Variants in KLK3 observed in about 807,000 individuals in gnomAD.
KLK3 encodes the protein prostate-specific antigen.
Under a neutral mutation model 27.7 loss-of-function variants are expected in KLK3, and 23 were observed. The ratio of observed to expected loss-of-function variants is 0.83; its 90% confidence interval spans 0.60 to 1.17. The LOEUF (loss-of-function observed/expected upper bound fraction) is 1.17, where lower values mean the gene tolerates loss of function less well. Ranked by LOEUF, KLK3 falls within the 50% of genes most tolerant of loss-of-function variation. The pLI is 0.00. For synonymous variants in KLK3, 142 were observed against 134.2 expected (o/e 1.06, Z -0.40); for missense variants, 322 against 338.1 (o/e 0.95, Z 0.37).
intron 1 of KLK3, 112 bp downstream of exon 1, chr19:50,855,113 C>G: frequency 9.3e-7 from 1 of 1,077,012 alleles, no homozygotes; most frequent in Non-Finnish European, 1.4e-6. Flanking sequence ...GAGCTGGGCT[C>G]TTTTCTGTCT....
chr19:50,860,534 C>T lies in KLK3; in HGVS notation c.*407C>T, dbSNP rs2090179020. ...CCAGACACTCACAGCAAGGATGGAG[C>T]TGAAAACATAACCCACTCTGTCCTG... is the stretch of plus-strand genomic sequence containing the variant. On this transcript the variant is annotated 3_prime_UTR_variant, in exon 5 of 5. Transcript: ENST00000326003. 1 of 156,742 alleles carries T rather than the reference C, an allele frequency of 6.4e-6. No individual in the cohort carries two copies. Among genetic ancestry groups the T allele is most frequent in the African/African-American group, 2.4e-5 (1 of 41,580 alleles). The allele number at this position is 156,742 out of a possible 1,614,324, so 9.7% of individuals were successfully genotyped here.
At chr19:50,859,708 A>G in intron 4 of KLK3, 1 of 1,574,254 alleles carries the variant, frequency 6.4e-7, no homozygotes. Context: ...CGACCTGTCT[A>G]CAAGGACTGT....
intron 1 of KLK3, 66 bp downstream of exon 1, chr19:50,855,067 C>CT (rs1193290329): frequency 6.4e-7 from 1 of 1,558,400 alleles, no homozygotes; most frequent in African/African-American, 1.4e-5. Flanking sequence ...AGCTGAGGCT[C>CT]TTTCCCCCCC....
rs7252245 is a variant in KLK3 at position 50,856,310 on chromosome 19, G to T, written c.117G>T (p.Gln39His). 2.5e-6 allele frequency: 4 copies of T among 1,613,420 alleles called. No individual in the cohort carries two copies. The African/African-American group carries it at 5.3e-5, about 22-fold the overall frequency. ...WECEKHSQPW[Q>H]VLVASRGRAV... ...GCGAGAAGCATTCCCAACCCTGGCA[G>T]GTGCTTGTGGCCTCTCGTGGCAGGG... Residue 39 changes from glutamine (Q) to histidine (H), a missense_variant, in exon 2 of 5, where the codon CAG becomes CAT. Transcript: ENST00000326003.
Position 50,857,529 on chromosome 19 carries a change from T to A in KLK3, c.207-500T>A, listed in dbSNP as rs1004230842. On this transcript the variant is annotated intron_variant, in intron 2 of 4. Coordinates refer to ENST00000326003, the MANE Select transcript of KLK3 (RefSeq NM_001648.2). ...CCCTCCCCAGCGGTCCCCACTCAGC[T>A]CCAAAGTCTCTCTCCCTTTTCTCTC... 3.2e-4 allele frequency: 50 copies of A among 155,526 alleles called. 1 individual carries two copies. Among genetic ancestry groups the A allele is most frequent in the African/African-American group, 9.7e-4 (40 of 41,418 alleles). The allele number at this position is 155,526 out of a possible 1,614,324, so 9.6% of individuals were successfully genotyped here.
intron 1 of KLK3, 21 bp downstream of exon 1, chr19:50,855,022 G>A (rs200242478): frequency 1.0e-4 from 166 of 1,613,268 alleles, no homozygotes; most frequent in Non-Finnish European, 1.3e-4. Context: ...CCATGGTTGG[G>A]GGGATGCAGG....
intron 1 of KLK3, 178 bp downstream of exon 1, chr19:50,855,179 C>T (rs2090139258): frequency 1.6e-6 from 1 of 622,042 alleles, no homozygotes; most frequent in Non-Finnish European, 2.8e-6. Flanking sequence ...CAACAGTCCT[C>T]ACTCCCACAC....
In KLK3 at chr19:50,860,098, A is replaced by C; in HGVS notation, c.757A>C (p.Ile253Leu). The C allele has an allele frequency of 6.2e-7, 1 of 1,613,932 alleles. No individual in the cohort carries two copies. The highest frequency in any genetic ancestry group is 8.5e-7 in the Non-Finnish European group (1 of 1,179,868). The change falls in exon 5 of 5, where the codon ATC (isoleucine) becomes CTC (leucine). Residue 253 changes from isoleucine to leucine, a missense_variant. Ile to Leu is a conservative substitution (Grantham distance 5, BLOSUM62 2). Transcript: ENST00000326003. Reference protein sequence around the residue: ...YTKVVHYRKWIKDTIVANP With the variant: ...YTKVVHYRKWLKDTIVANP ...CAAGGTGGTGCATTACCGGAAGTGG[A>C]TCAAGGACACCATCGTGGCCAACCC... is the stretch of plus-strand genomic sequence containing the variant.
At chr19:50,855,740 CA>C in intron 1 of KLK3, 1 of 153,550 alleles carries the variant, frequency 6.5e-6, no homozygotes, top group East Asian at 1.9e-4. Context: ...ACAAATAAAA[CA>C]AAACCAACTC....
chr19:50,858,673 A>G, intron 4 of KLK3, 78 bp downstream of exon 4: 2 of 1,555,420 alleles, frequency 1.3e-6, no homozygotes, highest in Non-Finnish European at 1.8e-6. Flanking sequence ...TCTAGAAGCC[A>G]ACAAGGCGTC....
rs1237522355 is a variant in KLK3, at chr19:50,859,835, G to A, written c.631-137G>A. On this transcript the variant is annotated intron_variant, in intron 4 of 4. Coordinates refer to ENST00000326003, the MANE Select transcript of KLK3 (RefSeq NM_001648.2). ...CCTGCCCACCTTCTTCTGGAAGTCG[G>A]CTCTGGAGACATTTCTCTCTTCTTC... is the stretch of plus-strand genomic sequence containing the variant. 1.7e-5 allele frequency: 26 copies of A among 1,493,736 alleles called. No homozygotes were observed. In the East Asian group the frequency reaches 5.8e-4, roughly 33 times the overall value. The allele number at this position is 1,493,736 out of a possible 1,614,324, so 92.5% of individuals were successfully genotyped here.
rs993015778 is a variant in KLK3, at chr19:50,858,775, A to G, written c.630+180A>G. 4.5e-6 allele frequency: 3 copies of G among 672,370 alleles called. No homozygotes were observed. In the South Asian group the frequency reaches 5.6e-5, roughly 13 times the overall value. 41.7% of individuals were successfully genotyped at this position (672,370 alleles called of 1,614,324 possible). A position where few individuals can be genotyped will look rare whatever the true frequency, so the allele number is the denominator to read the frequency against. On this transcript the variant is annotated intron_variant, in intron 4 of 4. Coordinates refer to ENST00000326003, the MANE Select transcript of KLK3 (RefSeq NM_001648.2). Reference sequence around the variant, plus strand: ...TCTTCTTTGACTCCCTCAAGGCAATAGGTTATTCTTACAGCACAACTCATC... The same window carrying G: ...TCTTCTTTGACTCCCTCAAGGCAATGGGTTATTCTTACAGCACAACTCATC...
chr19:50,855,217 C>G, intron 1 of KLK3: 1 of 569,258 alleles, frequency 1.8e-6, no homozygotes, highest in Non-Finnish European at 3.1e-6. Flanking sequence ...CCACTTACCC[C>G]AGAACTTTCT....
chr19:50,856,182 G>A (rs765171371), intron 1 of KLK3, 58 bp from the exon 2 acceptor site: 15 of 1,487,236 alleles, frequency 1.0e-5, no homozygotes, highest in East Asian at 9.4e-5. Context: ...TCTCCTATCC[G>A]AGTCCCCCAG....
chr19:50,858,890 A>T, intron 4 of KLK3: 1 of 517,980 alleles, frequency 1.9e-6, no homozygotes, highest in Non-Finnish European at 3.4e-6. Context: ...ACAGACAGAG[A>T]GCAGCCCCTC....
chr19:50,856,243 C>T lies in KLK3; in HGVS notation c.50C>T (p.Ala17Val), dbSNP rs181375335. Reference protein sequence around the residue: ...FLTLSVTWIGAAPLILSRIVG... With the variant: ...FLTLSVTWIGVAPLILSRIVG... ...TGATCTAGCACCCCCTCTGCAGGTG[C>T]TGCACCCCTCATCCTGTCTCGGATT... is the stretch of plus-strand genomic sequence containing the variant. Residue 17 changes from alanine (A) to valine (V), a missense_variant, in exon 2 of 5, where the codon GCT becomes GTT. Transcript: ENST00000326003. 2.5e-6 allele frequency: 4 copies of T among 1,611,868 alleles called. No homozygotes were observed. Among genetic ancestry groups the T allele is most frequent in the Non-Finnish European group, 3.4e-6 (4 of 1,179,490 alleles).
In KLK3 at chr19:50,860,003, G is replaced by A. The variant is rs1385074427; in HGVS notation, c.662G>A (p.Gly221Asp). 1 of 1,613,814 alleles carries A rather than the reference G, an allele frequency of 6.2e-7. No homozygotes were observed. The highest frequency in any genetic ancestry group is 1.1e-5 in the South Asian group (1 of 91,074). Reference sequence around the variant, plus strand: ...TCTGGGGGCCCACTTGTCTGTAATGGTGTGCTTCAAGGTATCACGTCATGG... The same window carrying A: ...TCTGGGGGCCCACTTGTCTGTAATGATGTGCTTCAAGGTATCACGTCATGG... ...GDSGGPLVCN[G>D]VLQGITSWGS... is the part of the protein sequence containing the mutation. The change falls in exon 5 of 5, where the codon GGT becomes GAT. Residue 221 changes from glycine to aspartate, a missense_variant. Coordinates refer to ENST00000326003, the MANE Select transcript of KLK3 (RefSeq NM_001648.2).
intron 4 of KLK3, chr19:50,859,407 G>A: frequency 1.4e-6 from 1 of 715,284 alleles, no homozygotes; most frequent in South Asian, 1.6e-5. Flanking sequence ...TGGAGGGAGT[G>A]ATGATGGGGC....
chr19:50,858,776 GGTTATTCTTACAGCACAACTCATCT>G, intron 4 of KLK3, 181 bp downstream of exon 4: 1 of 672,826 alleles, frequency 1.5e-6, no homozygotes, highest in South Asian at 1.9e-5. Context: ...CAAGGCAATA[GGTTATTCTTACAGCACAACTCATCT>G]GTTCCTGCGT....
Sources: allele counts gnomAD v4.1 joint callset, GRCh38; gene constraint gnomAD v4.1.1; transcripts MANE v1.5; gene names NCBI Gene and HGNC (gene_info 2026-07-23, HGNC 2026-07-21).